Variants in ZNF696 observed in about 807,000 individuals in gnomAD.
The protein encoded by ZNF696 is zinc finger protein 696.
ZNF696 carries 10 observed loss-of-function variants against 12.3 expected under a neutral mutation model. The observed-to-expected ratio is 0.81, with a 90% CI of 0.50 to 1.38. ZNF696 has a LOEUF of 1.38. Ranked by LOEUF, ZNF696 falls within the 40% of genes most tolerant of loss-of-function variation. The pLI is 0.00. For synonymous variants in ZNF696, 304 were observed against 243.9 expected (o/e 1.25, Z -2.29); for missense variants, 675 against 554.7 (o/e 1.22, Z -2.18).
Position 143,299,051 on chromosome 8 carries a change from C to T in ZNF696, c.*2251C>T, listed in dbSNP as rs1311707105. On this transcript the variant is annotated 3_prime_UTR_variant, in exon 3 of 3. Transcript: ENST00000330143. ...GCCCACACCTGTAATCCCAGCTACTCGGGCAGCTGAGGCAGGAGAATCCCT... is the reference window on the plus strand; with the variant it reads ...GCCCACACCTGTAATCCCAGCTACTTGGGCAGCTGAGGCAGGAGAATCCCT... Among the ~76,000 whole-genome samples the T allele has an allele frequency of 6.6e-6, 1 of 152,104 alleles. No individual in the cohort carries two copies. Among genetic ancestry groups the T allele is most frequent in the African/African-American group, 2.4e-5 (1 of 41,420 alleles).
Position 143,296,846 on chromosome 8 carries a change from G to A in ZNF696, c.*46G>A. 1 of 1,361,760 alleles carries A rather than the reference G, an allele frequency of 7.3e-7. No homozygotes were observed. The highest frequency in any genetic ancestry group is 1.7e-5 in the South Asian group (1 of 58,838). 84.4% of individuals were successfully genotyped at this position (1,361,760 alleles called of 1,614,324 possible). A position where few individuals can be genotyped will look rare whatever the true frequency, so the allele number is the denominator to read the frequency against. ...GATGCCGGCGGCCTGGTGGGCGCGA[G>A]GCCGAGGCCGGGGGAGGCTCCTGTC... On this transcript the variant is annotated 3_prime_UTR_variant, in exon 3 of 3. Transcript: ENST00000330143.
intron 1 of ZNF696, among the ~76,000 whole-genome samples, 164 bp downstream of exon 1, chr8:143,291,931 C>T (rs1360960763): frequency 4.6e-5 from 7 of 151,960 alleles, no homozygotes; most frequent in Admixed American, 3.3e-4. Flanking sequence ...TTACAGGCGG[C>T]TTAAATTAAA....
Position 143,299,232 on chromosome 8 carries a change from A to G in ZNF696, c.*2432A>G, listed in dbSNP as rs998870559. ...TATAAGATGGAATGGCAAGCAAATA[A>G]AATTATAAATATGAATACATATGTA... On this transcript the variant is annotated 3_prime_UTR_variant, in exon 3 of 3. Transcript: ENST00000330143. Among the ~76,000 whole-genome samples, 3 of 152,222 alleles carry G rather than the reference A, an allele frequency of 2.0e-5. No homozygotes were observed. The highest frequency in any genetic ancestry group is 2.0e-4 in the Admixed American group (3 of 15,272).
At position 143,296,397 on chromosome 8, in the gene ZNF696, A is replaced by G; in HGVS notation, c.722A>G (p.Glu241Gly). The stretch of plus-strand genomic sequence containing the variant: ...GGGGAGAGGCTGTACGCGTGCGGCG[A>G]GTGCGGGAAGCGCTTCCTGCACAGC... The part of the protein sequence containing the change: ...HTGERLYACG[E>G]CGKRFLHSSN... The change falls in exon 3 of 3, where the codon GAG (glutamate) becomes GGG (glycine). Residue 241 changes from glutamate to glycine, a missense_variant. Transcript: ENST00000330143. 6.3e-7 allele frequency: 1 copy of G among 1,595,754 alleles called. No homozygotes were observed. The highest frequency in any genetic ancestry group is 8.5e-7 in the Non-Finnish European group (1 of 1,173,292).
chr8:143,293,685 TG>T, intron 2 of ZNF696, among the ~76,000 whole-genome samples: 1 of 131,218 alleles, frequency 7.6e-6, no homozygotes, highest in Non-Finnish European at 1.6e-5. Context: ...CCACCACGTA[TG>T]TGTCCCCTTC....
chr8:143,296,476 C>T lies in ZNF696; in HGVS notation c.801C>T (p.Cys267=). 6.2e-7 allele frequency: 1 copy of T among 1,608,646 alleles called. No homozygotes were observed. Among genetic ancestry groups the T allele is most frequent in the Non-Finnish European group, 8.5e-7 (1 of 1,179,080 alleles). ...ACCACGGGGAGAACCCGTACGAGTG[C>T]CGGGAGTGCGGCCAGGCCTTCAGCC... is the stretch of plus-strand genomic sequence containing the variant. ...RTHHGENPYE[C]RECGQAFSQS... The change falls in exon 3 of 3, where the codon TGC becomes TGT. Residue 267 remains cysteine (C), a synonymous_variant. Coordinates refer to ENST00000330143, the MANE Select transcript of ZNF696 (RefSeq NM_030895.3).
Position 143,295,952 on chromosome 8 carries a change from T to G in ZNF696, c.277T>G (p.Ser93Ala). 6.4e-7 allele frequency: 1 copy of G among 1,571,936 alleles called. No homozygotes were observed. The highest frequency in any genetic ancestry group is 1.2e-5 in the South Asian group (1 of 86,576). ...AGGTTCCCCTCGAGGCCCGGTCACT[T>G]CTGAGAAAACTGGAGGACAGAGTGG... ...PGGSPRGPVT[S>A]EKTGGQSGLE... The change falls in exon 3 of 3, where the codon TCT (serine) becomes GCT (alanine). Residue 93 changes from serine to alanine, a missense_variant. Physicochemically the swap from Ser to Ala is moderately conservative, Grantham distance 99. Transcript: ENST00000330143.
At position 143,296,886 on chromosome 8, in the gene ZNF696, T is replaced by G. The variant is rs1285133774; in HGVS notation, c.*86T>G. 1.6e-6 allele frequency: 2 copies of G among 1,230,790 alleles called. No homozygotes were observed. Among genetic ancestry groups the G allele is most frequent in the Non-Finnish European group, 2.1e-6 (2 of 954,266 alleles). 76.2% of individuals were successfully genotyped at this position (1,230,790 alleles called of 1,614,324 possible). A position where few individuals can be genotyped will look rare whatever the true frequency, so the allele number is the denominator to read the frequency against. On this transcript the variant is annotated 3_prime_UTR_variant, in exon 3 of 3. Coordinates refer to ENST00000330143, the MANE Select transcript of ZNF696 (RefSeq NM_030895.3). Reference sequence around the variant, plus strand: ...AGGCTCCTGTCCGCCCCGTGCGCGGTGAGGAAGTAACAGCCGGCTGCGCGC... The same window carrying G: ...AGGCTCCTGTCCGCCCCGTGCGCGGGGAGGAAGTAACAGCCGGCTGCGCGC...
chr8:143,295,796 C>T lies in ZNF696; in HGVS notation c.121C>T (p.Gln41Ter), dbSNP rs751812011. The T allele has an allele frequency of 6.2e-7, 1 of 1,604,368 alleles. No homozygotes were observed. The highest frequency in any genetic ancestry group is 8.5e-7 in the Non-Finnish European group (1 of 1,176,654). Residue 41 changes from glutamine (Q) to a stop codon, truncating the protein, a stop_gained, in exon 3 of 3, where the codon CAG (glutamine) becomes TAG (stop). Transcript: ENST00000330143. LOFTEE classifies it low-confidence loss of function (END_TRUNC). ...APSGSRSAEV[Q>*]AAQSTEPAAE... ...GAGTGGCAGCCGGTCAGCCGAGGTG[C>T]AGGCAGCTCAGAGCACGGAGCCTGC... is the stretch of plus-strand genomic sequence containing the variant.
At position 143,299,920 on chromosome 8, in the gene ZNF696, G is replaced by A. The variant is rs190535479; in HGVS notation, c.*3120G>A. On this transcript the variant is annotated 3_prime_UTR_variant, in exon 3 of 3. Coordinates refer to ENST00000330143, the MANE Select transcript of ZNF696 (RefSeq NM_030895.3). ...GCTGTAGTCATACCACTACACTCCA[G>A]CCTGGGCAAAAGAGTGAGACCCTCT... Among the ~76,000 whole-genome samples the A allele has an allele frequency of 6.6e-6, 1 of 152,236 alleles. No individual in the cohort carries two copies. Among genetic ancestry groups the A allele is most frequent in the East Asian group, 1.9e-4 (1 of 5,190 alleles).
intron 1 of ZNF696, among the ~76,000 whole-genome samples, chr8:143,291,970 T>A (rs1815632586): frequency 6.6e-6 from 1 of 152,082 alleles, no homozygotes; most frequent in Non-Finnish European, 1.5e-5. Context: ...TATTTACTTA[T>A]TTTTTTAAGA....
chr8:143,294,991 C>T (rs1444494016), intron 2 of ZNF696, among the ~76,000 whole-genome samples: 1 of 151,984 alleles, frequency 6.6e-6, no homozygotes, highest in African/African-American at 2.4e-5. Context: ...ACTTGGGAGG[C>T]GGAGGGAGGA....
chr8:143,293,433 G>A (rs1391510425), intron 2 of ZNF696: 1 of 383,090 alleles, frequency 2.6e-6, no homozygotes, highest in Non-Finnish European at 4.7e-6. Context: ...CTGCCCACTT[G>A]GTGTCAGTAG....
In ZNF696 at chr8:143,291,480, T is replaced by C; in HGVS notation, c.-318T>C. ...CCGGCTTCTCTTGCTGGGGTGTCGATTCGGGAGGGCTGAGGGCGCGGCCGA... is the reference window on the plus strand; with the variant it reads ...CCGGCTTCTCTTGCTGGGGTGTCGACTCGGGAGGGCTGAGGGCGCGGCCGA... On this transcript the variant is annotated 5_prime_UTR_variant, in exon 1 of 3. Transcript: ENST00000330143. 1.0e-6 allele frequency: 1 copy of C among 985,448 alleles called. No homozygotes were observed. The highest frequency in any genetic ancestry group is 1.1e-4 in the East Asian group (1 of 8,808). The allele number at this position is 985,448 out of a possible 1,614,324, so 61.0% of individuals were successfully genotyped here. A position where few individuals can be genotyped will look rare whatever the true frequency, so the allele number is the denominator to read the frequency against.
In ZNF696 at chr8:143,291,493, A is replaced by C. The variant is rs1405850296; in HGVS notation, c.-305A>C. ...CTGGGGTGTCGATTCGGGAGGGCTG[A>C]GGGCGCGGCCGAGAGAACGGGGCGG... On this transcript the variant is annotated 5_prime_UTR_variant, in exon 1 of 3. Coordinates refer to ENST00000330143, the MANE Select transcript of ZNF696 (RefSeq NM_030895.3). 1.0e-6 allele frequency: 1 copy of C among 985,334 alleles called. No individual in the cohort carries two copies. The highest frequency in any genetic ancestry group is 1.7e-5 in the African/African-American group (1 of 57,222). 61.0% of individuals were successfully genotyped at this position (985,334 alleles called of 1,614,324 possible). A position where few individuals can be genotyped will look rare whatever the true frequency, so the allele number is the denominator to read the frequency against.
chr8:143,295,559 A>C (rs1226764415), intron 2 of ZNF696, 181 bp from the exon 3 acceptor site: 1 of 687,958 alleles, frequency 1.5e-6, no homozygotes, highest in Non-Finnish European at 2.5e-6. Context: ...GGGGTTAAGA[A>C]GGTGGGGAGG....
Position 143,296,448 on chromosome 8 carries a change from C to A in ZNF696, c.773C>A (p.Thr258Asn). 3 of 1,605,788 alleles carry A rather than the reference C, an allele frequency of 1.9e-6. No individual in the cohort carries two copies. The highest frequency in any genetic ancestry group is 2.5e-6 in the Non-Finnish European group (3 of 1,178,272). ...TCGAACGTGGTCCGGCACCGGCGGA[C>A]CCACCACGGGGAGAACCCGTACGAG... ...HSSNVVRHRR[T>N]HHGENPYECR... Residue 258 changes from threonine to asparagine, a missense_variant, in exon 3 of 3, where the codon ACC becomes AAC. Transcript: ENST00000330143.
In ZNF696 at chr8:143,291,660, C is replaced by G. The variant is rs1302802477; in HGVS notation, c.-138C>G. Reference sequence around the variant, plus strand: ...GCGGGGCTTCCTGCGAGCTGAGTCCCCGCTGCGCGTCTTCAGGCCTTTGTA... The same window carrying G: ...GCGGGGCTTCCTGCGAGCTGAGTCCGCGCTGCGCGTCTTCAGGCCTTTGTA... On this transcript the variant is annotated 5_prime_UTR_variant, in exon 1 of 3. Transcript: ENST00000330143. 16 of 985,366 alleles carry G rather than the reference C, an allele frequency of 1.6e-5. No homozygotes were observed. The highest frequency in any genetic ancestry group is 1.7e-5 in the Non-Finnish European group (14 of 829,950). The allele number at this position is 985,366 out of a possible 1,614,324, so 61.0% of individuals were successfully genotyped here.
intron 2 of ZNF696, among the ~76,000 whole-genome samples, chr8:143,294,144 C>G (rs925459186): frequency 1.3e-5 from 2 of 152,242 alleles, no homozygotes; most frequent in African/African-American, 4.8e-5. Flanking sequence ...AGGCCAAGCT[C>G]AGTTGCCAGC....
Sources: gnomAD v4.1 joint callset for allele counts (sites outside exome capture counted in the v4.1 genomes callset) on GRCh38, gnomAD v4.1.1 for gene constraint, MANE v1.5 for transcripts, NCBI Gene and HGNC (gene_info 2026-07-23, HGNC 2026-07-21) for gene names.